Variants in GTF2H5 observed in about 807,000 individuals in gnomAD.
The protein encoded by GTF2H5 is TFB5 ortholog.
A neutral mutation model predicts 7.1 loss-of-function variants in GTF2H5; 5 were observed. That is an observed-to-expected ratio of 0.71 (90% CI 0.37 to 1.49). GTF2H5 has a LOEUF of 1.49. Among genes scored for constraint, GTF2H5 ranks in the 40% most tolerant of loss-of-function variants. The pLI is 0.03. For synonymous variants in GTF2H5, 30 were observed against 31.7 expected (o/e 0.95, Z 0.18); for missense variants, 80 against 83.0 (o/e 0.96, Z 0.14).
chr6:158,171,967 C>A (rs1323448670), intron 2 of GTF2H5, among the ~76,000 whole-genome samples: 1 of 152,164 alleles, frequency 6.6e-6, no homozygotes, highest in Non-Finnish European at 1.5e-5. Context: ...ATTAATTTGA[C>A]ATAACATAAA....
chr6:158,178,695 G>A (rs766418553), intron 2 of GTF2H5, among the ~76,000 whole-genome samples: 2 of 152,056 alleles, frequency 1.3e-5, no homozygotes, highest in African/African-American at 2.4e-5. Context: ...TTCTGATGGG[G>A]TTGTTTGCTT....
intron 2 of GTF2H5, among the ~76,000 whole-genome samples, chr6:158,179,494 C>A (rs950694679): frequency 6.6e-6 from 1 of 151,858 alleles, no homozygotes; most frequent in Non-Finnish European, 1.5e-5. Flanking sequence ...AATGTTTTTC[C>A]CTTTGTGTCC....
rs1315619865 is a variant in GTF2H5 at position 158,169,673 on chromosome 6, T to TAC, written c.-34-796_-34-795insCA. ...ATATTACATATAATATATTGTATAT[T>TAC]ATATAATATATAATATATATTATAT... On this transcript the variant is annotated intron_variant, in intron 1 of 2. Transcript: ENST00000607778. Among the ~76,000 whole-genome samples the TAC allele has an allele frequency of 2.4e-4, 10 of 41,072 alleles. 1 individual carries two copies. Among genetic ancestry groups the TAC allele is most frequent in the African/African-American group, 1.1e-3 (9 of 8,530 alleles). The allele number at this position is 41,072 out of a possible 152,430, so 26.9% of individuals were successfully genotyped here.
rs1183820184 is a variant in GTF2H5, at chr6:158,197,888, G to A, written c.*5731G>A. The A allele has an allele frequency of 6.6e-6, 1 of 152,116 alleles. No individual in the cohort carries two copies. The highest frequency in any genetic ancestry group is 1.5e-5 in the Non-Finnish European group (1 of 68,032). 9.4% of individuals were successfully genotyped at this position (152,116 alleles called of 1,614,324 possible). A position where few individuals can be genotyped will look rare whatever the true frequency, so the allele number is the denominator to read the frequency against. On this transcript the variant is annotated 3_prime_UTR_variant, in exon 3 of 3. Transcript: ENST00000607778. ...TTCTTCAGCTAATAAAAAAGACATG[G>A]TTAATTTCCCAGGACCCTCAGTTCT...
chr6:158,177,490 A>G (rs1785949125), intron 2 of GTF2H5, among the ~76,000 whole-genome samples: 1 of 152,206 alleles, frequency 6.6e-6, no homozygotes, highest in Admixed American at 6.5e-5. Flanking sequence ...TAGGCAAAGC[A>G]TGGGAATTGA....
chr6:158,176,572 T>C (rs1049493030), intron 2 of GTF2H5, among the ~76,000 whole-genome samples: 2 of 152,184 alleles, frequency 1.3e-5, no homozygotes, highest in East Asian at 3.9e-4. Flanking sequence ...AATTATACCA[T>C]ATATATTCAT....
chr6:158,197,293 A>G lies in GTF2H5; in HGVS notation c.*5136A>G, dbSNP rs568867101. ...TACCCAAATGCAGAAAGAAAAGCAC[A>G]GTCGTCATGCAAAATAGTCACTACT... On this transcript the variant is annotated 3_prime_UTR_variant, in exon 3 of 3. Transcript: ENST00000607778. The G allele has an allele frequency of 1.5e-5, 3 of 195,810 alleles. No individual in the cohort carries two copies. The highest frequency in any genetic ancestry group is 2.4e-5 in the African/African-American group (1 of 42,114). The allele number at this position is 195,810 out of a possible 1,614,324, so 12.1% of individuals were successfully genotyped here.
In GTF2H5 at chr6:158,197,214, A is replaced by G. The variant is rs755459281; in HGVS notation, c.*5057A>G. ...CATCTTCAGAAAATGACCAGATACAACAAGAATTTAACATGGCAGCCAAAC... is the reference window on the plus strand; with the variant it reads ...CATCTTCAGAAAATGACCAGATACAGCAAGAATTTAACATGGCAGCCAAAC... On this transcript the variant is annotated 3_prime_UTR_variant, in exon 3 of 3. Transcript: ENST00000607778. 1 of 161,830 alleles carries G rather than the reference A, an allele frequency of 6.2e-6. No homozygotes were observed. Among genetic ancestry groups the G allele is most frequent in the Non-Finnish European group, 1.5e-5 (1 of 68,728 alleles). 10.0% of individuals were successfully genotyped at this position (161,830 alleles called of 1,614,324 possible). A position where few individuals can be genotyped will look rare whatever the true frequency, so the allele number is the denominator to read the frequency against.
rs575746126 is a variant in GTF2H5 at position 158,176,693 on chromosome 6, G to A, written c.35+6155G>A. On this transcript the variant is annotated intron_variant, in intron 2 of 2. Coordinates refer to ENST00000607778, the MANE Select transcript of GTF2H5 (RefSeq NM_207118.3). ...AAAGACAGACACACAGAAATATAGA[G>A]GTGTGGGGTGAGAAATCAGGGGTCT... Among the ~76,000 whole-genome samples, 9 of 152,296 alleles carry A rather than the reference G, an allele frequency of 5.9e-5. No homozygotes were observed. In the East Asian group the frequency reaches 1.7e-3, roughly 29 times the overall value.
intron 2 of GTF2H5, among the ~76,000 whole-genome samples, chr6:158,177,672 T>C (rs1778516354): frequency 6.6e-6 from 1 of 152,056 alleles, no homozygotes; most frequent in Non-Finnish European, 1.5e-5. Context: ...GCTGCACCCA[T>C]CTACCCGTCA....
chr6:158,193,615 A>C lies in GTF2H5; in HGVS notation c.*1458A>C, dbSNP rs1777061726. On this transcript the variant is annotated 3_prime_UTR_variant, in exon 3 of 3. Transcript: ENST00000607778. ...CCCACCCATATAACTCAGTCCATAC[A>C]GTTCACAGTTTTCATTCCCTCATAG... The C allele has an allele frequency of 6.6e-6, 1 of 152,230 alleles. No individual in the cohort carries two copies. The highest frequency in any genetic ancestry group is 1.5e-5 in the Non-Finnish European group (1 of 68,056). The allele number at this position is 152,230 out of a possible 1,614,324, so 9.4% of individuals were successfully genotyped here. A position where few individuals can be genotyped will look rare whatever the true frequency, so the allele number is the denominator to read the frequency against.
chr6:158,192,170 T>C lies in GTF2H5; in HGVS notation c.*13T>C. On this transcript the variant is annotated 3_prime_UTR_variant, in exon 3 of 3. Coordinates refer to ENST00000607778, the MANE Select transcript of GTF2H5 (RefSeq NM_207118.3). ...TACCCAGAAATGAAAATACTCAATA[T>C]GGACCATTTAGGAATTATAAGCAGC... 1 of 1,600,594 alleles carries C rather than the reference T, an allele frequency of 6.2e-7. No individual in the cohort carries two copies. The highest frequency in any genetic ancestry group is 8.6e-7 in the Non-Finnish European group (1 of 1,169,362).
rs1777040708 is a variant in GTF2H5 at position 158,192,244 on chromosome 6, A to G, written c.*87A>G. The G allele has an allele frequency of 1.9e-6, 2 of 1,057,634 alleles. No individual in the cohort carries two copies. Among genetic ancestry groups the G allele is most frequent in the Admixed American group, 1.8e-5 (1 of 56,358 alleles). The allele number at this position is 1,057,634 out of a possible 1,614,324, so 65.5% of individuals were successfully genotyped here. On this transcript the variant is annotated 3_prime_UTR_variant, in exon 3 of 3. Coordinates refer to ENST00000607778, the MANE Select transcript of GTF2H5 (RefSeq NM_207118.3). ...ATATCTTAGGTGACTGATTAGACAT[A>G]GAGGGTTGTTTTAGGAGCATGCCAC... is the stretch of plus-strand genomic sequence containing the variant.
rs1777058031 is a variant in GTF2H5, at chr6:158,193,313, A to G, written c.*1156A>G. ...AAAAAGTGTATATGTATGTGTGTATATATAGCAAGAGAGAGTTCTGTGATC... is the reference window on the plus strand; with the variant it reads ...AAAAAGTGTATATGTATGTGTGTATGTATAGCAAGAGAGAGTTCTGTGATC... On this transcript the variant is annotated 3_prime_UTR_variant, in exon 3 of 3. Coordinates refer to ENST00000607778, the MANE Select transcript of GTF2H5 (RefSeq NM_207118.3). 1 of 152,088 alleles carries G rather than the reference A, an allele frequency of 6.6e-6. No homozygotes were observed. Among genetic ancestry groups the G allele is most frequent in the Admixed American group, 6.6e-5 (1 of 15,256 alleles). 9.4% of individuals were successfully genotyped at this position (152,088 alleles called of 1,614,324 possible). A position where few individuals can be genotyped will look rare whatever the true frequency, so the allele number is the denominator to read the frequency against.
chr6:158,169,515 T>A (rs1279154034), intron 1 of GTF2H5, among the ~76,000 whole-genome samples: 3 of 75,756 alleles, frequency 4.0e-5, no homozygotes, highest in Non-Finnish European at 6.5e-5. Flanking sequence ...TATTGTATAT[T>A]ATATATAATA....
intron 2 of GTF2H5, among the ~76,000 whole-genome samples, chr6:158,186,074 C>T (rs941684125): frequency 6.6e-6 from 1 of 152,176 alleles, no homozygotes; most frequent in Admixed American, 6.5e-5. Context: ...ACATATCAAA[C>T]TCTTGGTTTT....
rs1162593511 is a variant in GTF2H5 at position 158,169,667 on chromosome 6, G to GTATAATATATAATA, written c.-34-799_-34-798insATATATAATATATA. On this transcript the variant is annotated intron_variant, in intron 1 of 2. Coordinates refer to ENST00000607778, the MANE Select transcript of GTF2H5 (RefSeq NM_207118.3). Reference sequence around the variant, plus strand: ...TATTGTATATTACATATAATATATTGTATATTATATAATATATAATATATA... The same window carrying GTATAATATATAATA: ...TATTGTATATTACATATAATATATTGTATAATATATAATATATATTATATAATATATAATATATA... Among the ~76,000 whole-genome samples, 44 of 51,178 alleles carry GTATAATATATAATA rather than the reference G, an allele frequency of 8.6e-4. 1 individual carries two copies. Among genetic ancestry groups the GTATAATATATAATA allele is most frequent in the Admixed American group, 2.0e-3 (5 of 2,538 alleles). 33.6% of individuals were successfully genotyped at this position (51,178 alleles called of 152,430 possible). A position where few individuals can be genotyped will look rare whatever the true frequency, so the allele number is the denominator to read the frequency against.
chr6:158,176,500 C>T (rs1785935594), intron 2 of GTF2H5, among the ~76,000 whole-genome samples: 1 of 152,178 alleles, frequency 6.6e-6, no homozygotes, highest in Admixed American at 6.5e-5. Flanking sequence ...GCTGGGATTA[C>T]AGATGTGAGC....
intron 2 of GTF2H5, among the ~76,000 whole-genome samples, chr6:158,171,913 C>T (rs77413086): frequency 1.4e-4 from 22 of 152,280 alleles, no homozygotes; most frequent in Non-Finnish European, 2.6e-4. Flanking sequence ...ACACACTGTT[C>T]TGTTGTCTTT....
Sources: gnomAD v4.1 joint callset for allele counts (sites outside exome capture counted in the v4.1 genomes callset) on GRCh38, gnomAD v4.1.1 for gene constraint, MANE v1.5 for transcripts, NCBI Gene and HGNC (gene_info 2026-07-23, HGNC 2026-07-21) for gene names.